Variants in ARAP2 observed in about 807,000 individuals in gnomAD.
ARAP2 encodes ArfGAP with RhoGAP domain, ankyrin repeat and PH domain 2.
A neutral mutation model predicts 194.5 loss-of-function variants in ARAP2; 148 were observed. The ratio of observed to expected loss-of-function variants is 0.76; its 90% CI spans 0.67 to 0.87. The LOEUF is 0.87. ARAP2 is among the 40% of genes least tolerant of loss of function. The probability of loss-of-function intolerance (pLI) is 0.00; values close to 1 mark genes in which losing one functional copy is unlikely to be tolerated. For missense variants in ARAP2, 2,128 were observed against 1,989.7 expected (o/e 1.07, Z -1.32); for synonymous variants, 695 against 683.5 (o/e 1.02, Z -0.26).
In ARAP2 at chr4:36,161,436, C is replaced by T. The variant is rs1042592374; in HGVS notation, c.2259+29G>A. ...GTCTCTGCAAACTGAACCCCTATCACAACCCCATTCAGGTTAAATAGGACT... is the reference window on the plus strand; with the variant it reads ...GTCTCTGCAAACTGAACCCCTATCATAACCCCATTCAGGTTAAATAGGACT... On this transcript the variant is annotated intron_variant, in intron 12 of 32. Coordinates refer to ENST00000303965, the MANE Select transcript of ARAP2 (RefSeq NM_015230.4). 3 of 1,587,202 alleles carry T rather than the reference C, an allele frequency of 1.9e-6. No homozygotes were observed. In the African/African-American group the frequency reaches 4.0e-5, roughly 21 times the overall value.
chr4:36,065,285 C>A, downstream of ARAP2: 1 of 448,756 alleles, frequency 2.2e-6, no homozygotes, highest in South Asian at 1.8e-5. Context: ...AACACCATGT[C>A]ACCCTTGACC....
chr4:36,094,298 A>G (rs1279661647), intron 27 of ARAP2, among the ~76,000 whole-genome samples: 2 of 152,196 alleles, frequency 1.3e-5, no homozygotes, highest in Non-Finnish European at 2.9e-5. Flanking sequence ...CACATTATGT[A>G]CTATCTGTGG....
At chr4:36,141,573 T>C (rs1023901659) in intron 19 of ARAP2, among the ~76,000 whole-genome samples, 1 of 151,748 alleles carries the variant, frequency 6.6e-6, no homozygotes, top group African/African-American at 2.4e-5. Flanking sequence ...GGGATAATTA[T>C]CAATTTATGA....
In ARAP2 at chr4:36,222,737, T is replaced by A. The variant is rs182454284; in HGVS notation, c.905+5845A>T. 3.3e-5 allele frequency among the ~76,000 whole-genome samples: 5 copies of A among 152,168 alleles called. No homozygotes were observed. In the East Asian group the frequency reaches 7.7e-4, roughly 23 times the overall value. ...CACTATGGCAAGATTTTTTTTTTAA[T>A]CTAGATGGTATTATATGGTAACATG... is the stretch of plus-strand genomic sequence containing the variant. On this transcript the variant is annotated intron_variant, in intron 2 of 32. Transcript: ENST00000303965.
chr4:36,229,741 C>A, intron 1 of ARAP2, 96 bp from the exon 2 acceptor site: 1 of 296,756 alleles, frequency 3.4e-6, no homozygotes, highest in Non-Finnish European at 6.3e-6. Flanking sequence ...AATTAGGACA[C>A]TAACTCTCAC....
At chr4:36,161,911 A>T (rs1336408602) in intron 11 of ARAP2, among the ~76,000 whole-genome samples, 7 of 151,902 alleles carry the variant, frequency 4.6e-5, no homozygotes, top group Admixed American at 3.9e-4. Context: ...GATCGAGAAC[A>T]TCCTGGCTAA....
intron 1 of ARAP2, among the ~76,000 whole-genome samples, chr4:36,236,051 C>T (rs946631149): frequency 1.3e-5 from 2 of 151,792 alleles, no homozygotes; most frequent in Admixed American, 6.6e-5. Context: ...TGGTGGTGCA[C>T]ACCTGTAGTC....
intron 26 of ARAP2, among the ~76,000 whole-genome samples, chr4:36,111,930 C>T (rs561917268): frequency 6.6e-6 from 1 of 152,126 alleles, no homozygotes; most frequent in South Asian, 2.1e-4. Context: ...GGGATGCCTA[C>T]TCCTAAACCC....
chr4:36,110,642 T>A (rs921728741), intron 26 of ARAP2, among the ~76,000 whole-genome samples: 2 of 151,944 alleles, frequency 1.3e-5, no homozygotes, highest in East Asian at 1.9e-4. Flanking sequence ...TTCATACCAA[T>A]GTAATATAAA....
intron 4 of ARAP2, among the ~76,000 whole-genome samples, chr4:36,212,897 T>C (rs1361061994): frequency 1.3e-5 from 2 of 152,074 alleles, no homozygotes; most frequent in African/African-American, 2.4e-5. Context: ...ATTGGAAATC[T>C]ATGCACTTCA....
At chr4:36,052,563 G>A (rs1244206676) in intron 2 of ARAP2, among the ~76,000 whole-genome samples, 2 of 152,222 alleles carry the variant, frequency 1.3e-5, no homozygotes, top group African/African-American at 4.8e-5. Context: ...CACTTCTAAT[G>A]CTGCGTTATT....
intron 19 of ARAP2, among the ~76,000 whole-genome samples, chr4:36,146,263 C>G (rs1449880266): frequency 6.6e-6 from 1 of 151,956 alleles, no homozygotes; most frequent in Non-Finnish European, 1.5e-5. Flanking sequence ...GACTAAACAC[C>G]CACTTTCACT....
intron 23 of ARAP2, 29 bp from the exon 24 acceptor site, chr4:36,119,747 A>T: frequency 6.9e-7 from 1 of 1,455,642 alleles, no homozygotes; most frequent in East Asian, 2.3e-5. Flanking sequence ...GGGACATTCT[A>T]ATAATGTAGA....
intron 9 of ARAP2, among the ~76,000 whole-genome samples, chr4:36,176,826 T>C (rs1201570549): frequency 6.6e-6 from 1 of 152,134 alleles, no homozygotes; most frequent in Admixed American, 6.5e-5. Flanking sequence ...AGGATGCCTA[T>C]AGTTAATTGT....
intron 1 of ARAP2, among the ~76,000 whole-genome samples, chr4:36,239,527 C>T (rs1753103391): frequency 6.6e-6 from 1 of 152,108 alleles, no homozygotes; most frequent in Non-Finnish European, 1.5e-5. Context: ...AAAAAACAGT[C>T]ATAAAACAGA....
intron 32 of ARAP2, 142 bp from the exon 33 acceptor site, chr4:36,068,420 G>A (rs1726020581): frequency 2.3e-6 from 2 of 876,868 alleles, no homozygotes; most frequent in Non-Finnish European, 1.6e-6. Context: ...TTCGATACAA[G>A]TGGCATGTCT....
rs917511207 is a variant in ARAP2, at chr4:36,226,662, A to C, written c.905+1920T>G. 5.3e-5 allele frequency among the ~76,000 whole-genome samples: 8 copies of C among 152,190 alleles called. No individual in the cohort carries two copies. In the South Asian group the frequency reaches 8.3e-4, roughly 16 times the overall value. ...AAACTCATATTACTTGTATGAAATA[A>C]ATTTGTATGCTTTTCTCCTGTTAAT... On this transcript the variant is annotated intron_variant, in intron 2 of 32. Coordinates refer to ENST00000303965, the MANE Select transcript of ARAP2 (RefSeq NM_015230.4).
At chr4:36,030,126 G>T (rs1001897816) in intron 5 of ARAP2, among the ~76,000 whole-genome samples, 2 of 152,074 alleles carry the variant, frequency 1.3e-5, no homozygotes, top group Non-Finnish European at 2.9e-5. Context: ...CTCAAGTTCT[G>T]ACATGTTTAA....
intron 3 of ARAP2, 67 bp downstream of exon 3, chr4:36,214,355 G>T: frequency 1.5e-6 from 2 of 1,357,284 alleles, no homozygotes; most frequent in South Asian, 1.5e-5. Context: ...TCGCAATCAT[G>T]ATTTTAACAC....
Sources: gnomAD v4.1 joint callset for allele counts (sites outside exome capture counted in the v4.1 genomes callset) on GRCh38, gnomAD v4.1.1 for gene constraint, MANE v1.5 for transcripts, NCBI Gene and HGNC (gene_info 2026-07-23, HGNC 2026-07-21) for gene names.